Variants in ZNF385D observed in about 807,000 individuals in gnomAD.
The protein encoded by ZNF385D is zinc finger protein 385D.
A neutral mutation model predicts 35.8 loss-of-function variants in ZNF385D; 15 were observed. The observed-to-expected ratio is 0.42, with a 90% CI of 0.28 to 0.64. The LOEUF is 0.64. ZNF385D is among the 30% of genes least tolerant of loss of function. ZNF385D has a pLI of 0.23. For synonymous variants in ZNF385D, 212 were observed against 186.8 expected, an observed-to-expected ratio of 1.13 and a Z score of -1.10; for missense variants, 474 against 494.6, an observed-to-expected ratio of 0.96 and a Z score of 0.39.
intron 2 of ZNF385D, among the ~76,000 whole-genome samples, chr3:21,622,914 C>T (rs1439468545): frequency 6.6e-6 from 1 of 152,036 alleles, no homozygotes; most frequent in Non-Finnish European, 1.5e-5. Flanking sequence ...TTCTATATAG[C>T]TTGCCCCAGA....
At chr3:22,270,390 T>A (rs762787752) in intron 2 of ZNF385D, among the ~76,000 whole-genome samples, 5 of 152,020 alleles carry the variant, frequency 3.3e-5, no homozygotes, top group African/African-American at 4.8e-5. Context: ...GAGAAGCCTG[T>A]CTGTTTTACT....
chr3:21,558,717 A>C (rs1296993596), intron 3 of ZNF385D, among the ~76,000 whole-genome samples: 1 of 147,458 alleles, frequency 6.8e-6, no homozygotes, highest in Non-Finnish European at 1.5e-5. Flanking sequence ...TTTCTGTCTC[A>C]TTGATCTAAT....
intron 3 of ZNF385D, among the ~76,000 whole-genome samples, chr3:21,947,642 G>A (rs1367712151): frequency 1.3e-5 from 2 of 152,088 alleles, no homozygotes; most frequent in East Asian, 1.9e-4. Context: ...GAGCCACCGC[G>A]CCCGGCTATA....
chr3:22,082,174 C>T (rs925921760), intron 3 of ZNF385D, among the ~76,000 whole-genome samples: 1 of 152,060 alleles, frequency 6.6e-6, no homozygotes, highest in African/African-American at 2.4e-5. Flanking sequence ...CCAATTGAGG[C>T]ACCTGGTTTA....
At chr3:22,138,727 T>C (rs1704313329) in intron 3 of ZNF385D, among the ~76,000 whole-genome samples, 2 of 152,056 alleles carry the variant, frequency 1.3e-5, no homozygotes, top group South Asian at 4.1e-4. Flanking sequence ...GAAGAAAACC[T>C]AGGCAATACC....
At chr3:21,995,517 G>A (rs1423431406) in intron 3 of ZNF385D, among the ~76,000 whole-genome samples, 1 of 152,096 alleles carries the variant, frequency 6.6e-6, no homozygotes, top group Non-Finnish European at 1.5e-5. Context: ...GTGGCAGTGA[G>A]TGAGGTGGAT....
intron 2 of ZNF385D, among the ~76,000 whole-genome samples, chr3:22,305,617 C>T (rs1034971380): frequency 2.0e-5 from 3 of 152,154 alleles, no homozygotes; most frequent in African/African-American, 4.8e-5. Context: ...ACCACACCAA[C>T]TCTTAAGAAC....
intron 3 of ZNF385D, among the ~76,000 whole-genome samples, chr3:21,774,698 T>C (rs2071215742): frequency 1.3e-5 from 2 of 151,818 alleles, no homozygotes; most frequent in Admixed American, 1.3e-4. Flanking sequence ...TGGGCTGTGA[T>C]GGGGTTGATG....
intron 2 of ZNF385D, among the ~76,000 whole-genome samples, chr3:21,641,113 G>A (rs1229766638): frequency 6.6e-6 from 1 of 152,108 alleles, no homozygotes; most frequent in African/African-American, 2.4e-5. Flanking sequence ...AAGGCTGGAA[G>A]TAGAGTTATG....
chr3:22,168,715 G>C (rs1706497777), intron 3 of ZNF385D: 1 of 706,442 alleles, frequency 1.4e-6, no homozygotes, highest in East Asian at 1.3e-4. Flanking sequence ...TATTTTTCCT[G>C]GTTTAAAAAA....
At chr3:21,678,351 T>A (rs187487322) in intron 1 of ZNF385D, among the ~76,000 whole-genome samples, 45 of 152,224 alleles carry the variant, frequency 3.0e-4, no homozygotes, top group African/African-American at 1.1e-3. Context: ...CAGCCAGTGT[T>A]GACCTGGTAA....
chr3:22,077,311 C>A (rs536766476), intron 3 of ZNF385D, among the ~76,000 whole-genome samples: 1 of 151,916 alleles, frequency 6.6e-6, no homozygotes, highest in African/African-American at 2.4e-5. Context: ...TTCTTCCATG[C>A]CTAGTTTTAC....
intron 2 of ZNF385D, among the ~76,000 whole-genome samples, chr3:21,634,521 T>A (rs2065373753): frequency 6.6e-6 from 1 of 152,200 alleles, no homozygotes; most frequent in South Asian, 2.1e-4. Context: ...TCTGTTATTT[T>A]AAAATATATA....
chr3:21,627,628 T>A (rs1468652831), intron 2 of ZNF385D, among the ~76,000 whole-genome samples: 1 of 152,004 alleles, frequency 6.6e-6, no homozygotes, highest in Non-Finnish European at 1.5e-5. Flanking sequence ...AGAATCAGAA[T>A]AAAGGAAAAG....
intron 3 of ZNF385D, among the ~76,000 whole-genome samples, chr3:21,785,333 G>A (rs1322143853): frequency 1.3e-5 from 2 of 152,018 alleles, no homozygotes; most frequent in Non-Finnish European, 2.9e-5. Flanking sequence ...TCACAGTTAA[G>A]CTTATTCACA....
At chr3:22,293,433 A>G (rs1702405841) in intron 2 of ZNF385D, among the ~76,000 whole-genome samples, 1 of 152,046 alleles carries the variant, frequency 6.6e-6, no homozygotes, top group Non-Finnish European at 1.5e-5. Flanking sequence ...CTTTCTAGCT[A>G]CTAAACCTGG....
chr3:21,982,967 T>G (rs1012467579), intron 3 of ZNF385D, among the ~76,000 whole-genome samples: 5 of 152,068 alleles, frequency 3.3e-5, no homozygotes, highest in African/African-American at 1.2e-4. Flanking sequence ...ATTAGCTTTC[T>G]GATGTGCTGC....
At chr3:21,766,369 T>G (rs922350328) in intron 3 of ZNF385D, among the ~76,000 whole-genome samples, 1 of 152,166 alleles carries the variant, frequency 6.6e-6, no homozygotes, top group Non-Finnish European at 1.5e-5. Flanking sequence ...ACTGCCTATC[T>G]GTTATGGGTA....
At chr3:21,467,635 A>G (rs1703603118) in intron 4 of ZNF385D, among the ~76,000 whole-genome samples, 1 of 152,074 alleles carries the variant, frequency 6.6e-6, no homozygotes. Flanking sequence ...TTTTTGTGGT[A>G]TTTCCCTGGT....
Sources: allele counts gnomAD v4.1 joint callset (sites outside exome capture counted in the v4.1 genomes callset), GRCh38; gene constraint gnomAD v4.1.1; transcripts MANE v1.5; gene names NCBI Gene and HGNC (gene_info 2026-07-23, HGNC 2026-07-21).